RBFOX3: variants seen among roughly 807,000 people sequenced by gnomAD.
The protein encoded by RBFOX3 is RNA binding protein fox-1 homolog 3.
RBFOX3 carries 17 observed loss-of-function variants against 48.7 expected under a neutral mutation model. That is an observed-to-expected ratio of 0.35 (90% CI 0.24 to 0.52). The LOEUF (loss-of-function observed/expected upper bound fraction) is 0.52, where lower values mean the gene tolerates loss of function less well. Among genes scored for constraint, RBFOX3 ranks in the 20% least tolerant of loss-of-function variants. The pLI is 0.94. For synonymous variants in RBFOX3, 212 were observed against 209.5 expected (o/e 1.01, Z -0.10); for missense variants, 382 against 497.5 (o/e 0.77, Z 2.21).
At chr17:79,440,344 T>C (rs2070620478) in intron 2 of RBFOX3, among the ~76,000 whole-genome samples, 1 of 152,214 alleles carries the variant, frequency 6.6e-6, no homozygotes, top group South Asian at 2.1e-4. Context: ...GTCACATTTA[T>C]TGTCCCCTGT....
At chr17:79,532,427 G>A (rs1337447879) in intron 1 of RBFOX3, among the ~76,000 whole-genome samples, 1 of 152,226 alleles carries the variant, frequency 6.6e-6, no homozygotes, top group African/African-American at 2.4e-5. Flanking sequence ...CAGGTTGCAT[G>A]CAGGGAGGCT....
At chr17:79,138,465 T>TA (rs959130212) in intron 4 of RBFOX3, among the ~76,000 whole-genome samples, 26 of 151,996 alleles carry the variant, frequency 1.7e-4, no homozygotes, top group African/African-American at 6.3e-4. Context: ...CTCATGCACA[T>TA]ACACACCATG....
chr17:79,539,560 T>C (rs1555789623), intron 1 of RBFOX3, among the ~76,000 whole-genome samples: 1 of 152,130 alleles, frequency 6.6e-6, no homozygotes, highest in African/African-American at 2.4e-5. Context: ...AAACACATAG[T>C]GCATGGTGGT....
intron 1 of RBFOX3, among the ~76,000 whole-genome samples, chr17:79,606,092 A>G (rs1164185160): frequency 2.6e-5 from 4 of 152,174 alleles, no homozygotes; most frequent in African/African-American, 9.7e-5. Context: ...GGGCAGCAGC[A>G]GTGAGAAGGG....
intron 4 of RBFOX3, among the ~76,000 whole-genome samples, chr17:79,173,283 G>A (rs2049789976): frequency 1.3e-5 from 2 of 150,890 alleles, no homozygotes; most frequent in Admixed American, 6.6e-5. Context: ...GACAAGCACT[G>A]TATTTCCATT....
chr17:79,108,550 T>TA (rs1370693250), intron 5 of RBFOX3, among the ~76,000 whole-genome samples: 6 of 152,116 alleles, frequency 3.9e-5, no homozygotes, highest in Admixed American at 3.3e-4. Flanking sequence ...GCAAAGGAAA[T>TA]GGAGCCAGGG....
intron 2 of RBFOX3, among the ~76,000 whole-genome samples, chr17:79,474,471 T>C (rs763780488): frequency 3.6e-4 from 55 of 152,196 alleles, no homozygotes; most frequent in Admixed American, 2.6e-3. Context: ...CAATCATTTA[T>C]TGGCTCTCAC....
At chr17:79,644,632 C>T in the RBFOX3 span, among the ~76,000 whole-genome samples, 61 of 152,024 alleles carry the variant, frequency 4.0e-4, no homozygotes, top group Middle Eastern at 3.4e-3. Flanking sequence ...TTTTTAAATC[C>T]ACTTGCAATG....
intron 1 of RBFOX3, among the ~76,000 whole-genome samples, chr17:79,578,489 T>C (rs1737965629): frequency 6.6e-6 from 1 of 152,246 alleles, no homozygotes; most frequent in South Asian, 2.1e-4. Context: ...CAGTACCCAC[T>C]CAACCCCTGA....
intron 2 of RBFOX3, among the ~76,000 whole-genome samples, chr17:79,324,594 T>A (rs940849607): frequency 3.9e-5 from 6 of 152,100 alleles, no homozygotes; most frequent in Admixed American, 3.3e-4. Flanking sequence ...TGAAGATGAA[T>A]CTGCAGGTGG....
At chr17:79,126,585 T>C (rs12940497) in intron 4 of RBFOX3, among the ~76,000 whole-genome samples, 40,619 of 152,064 alleles carry the variant, frequency 0.27, 6,378 homozygotes, top group Non-Finnish European at 0.37. Flanking sequence ...CCCTCCTCCC[T>C]GTCTATACAC....
intron 9 of RBFOX3, chr17:79,098,034 G>C (rs984486081): frequency 7.0e-6 from 3 of 428,464 alleles, no homozygotes; most frequent in Non-Finnish European, 4.3e-6. Context: ...GTCATCCCCC[G>C]AAGCCTGGGG....
intron 1 of RBFOX3, among the ~76,000 whole-genome samples, chr17:79,499,873 G>C (rs2082148526): frequency 6.6e-6 from 1 of 152,130 alleles, no homozygotes; most frequent in Non-Finnish European, 1.5e-5. Context: ...GCATTAATGG[G>C]GCTCTCTATT....
chr17:79,625,431 T>C, the RBFOX3 span, among the ~76,000 whole-genome samples: 1 of 152,136 alleles, frequency 6.6e-6, no homozygotes, highest in African/African-American at 2.4e-5. Flanking sequence ...TATCTCCAGG[T>C]TAGGGGTATC....
intron 2 of RBFOX3, among the ~76,000 whole-genome samples, chr17:79,416,973 A>G (rs35042858): frequency 0.34 from 52,224 of 151,910 alleles, 9,455 homozygotes; most frequent in East Asian, 0.42. Flanking sequence ...GTTGCCTGGT[A>G]AGCCCCAGGC....
Position 79,235,136 on chromosome 17 carries a change from C to T in RBFOX3, c.-34+630G>A, listed in dbSNP as rs2061489634. The T allele has an allele frequency of 1.3e-5, 2 of 151,962 alleles. 1 individual carries two copies. The highest frequency in any genetic ancestry group is 4.1e-4 in the South Asian group (2 of 4,828). The allele number at this position is 151,962 out of a possible 1,614,324, so 9.4% of individuals were successfully genotyped here. On this transcript the variant is annotated intron_variant, in intron 4 of 14. Coordinates refer to ENST00000693108, the MANE Select transcript of RBFOX3 (RefSeq NM_001350451.2). ...GCATCATACTTGTATAATAATCTCC[C>T]CAAAGTAAACTCTGCAAGTGAATCT...
At chr17:79,589,810 C>T (rs1268168647) in intron 1 of RBFOX3, among the ~76,000 whole-genome samples, 1 of 152,160 alleles carries the variant, frequency 6.6e-6, no homozygotes, top group Non-Finnish European at 1.5e-5. Flanking sequence ...TTCCAGGTCT[C>T]GGCAAGGCCC....
chr17:79,265,369 G>A (rs549304424), intron 3 of RBFOX3, among the ~76,000 whole-genome samples: 7 of 152,142 alleles, frequency 4.6e-5, no homozygotes, highest in South Asian at 2.1e-4. Context: ...CCCGCTTAAC[G>A]AGGGTTTCAC....
chr17:79,344,913 C>G (rs1212433956), intron 2 of RBFOX3, among the ~76,000 whole-genome samples: 1 of 152,198 alleles, frequency 6.6e-6, no homozygotes, highest in Non-Finnish European at 1.5e-5. Context: ...TTCATCAAAA[C>G]TCTCTTATCA....
Sources: allele counts gnomAD v4.1 joint callset (sites outside exome capture counted in the v4.1 genomes callset), GRCh38; gene constraint gnomAD v4.1.1; transcripts MANE v1.5; gene names NCBI Gene and HGNC (gene_info 2026-07-23, HGNC 2026-07-21).